The following ADGRL3 variants were observed in gnomAD, a reference collection of about 807,000 sequenced individuals.
The protein encoded by ADGRL3 is calcium-independent alpha-latrotoxin receptor 3.
A neutral mutation model predicts 153.5 loss-of-function variants in ADGRL3; 62 were observed. The ratio of observed to expected loss-of-function variants is 0.40; its 90% CI spans 0.33 to 0.50. The LOEUF (loss-of-function observed/expected upper bound fraction) is 0.50. Ranked by LOEUF, ADGRL3 falls within the 20% of genes least tolerant of loss-of-function variation. The pLI, the probability that ADGRL3 is intolerant of heterozygous loss-of-function variation, is 0.47. For synonymous variants in ADGRL3, 710 were observed against 672.5 expected (o/e 1.06, Z -0.86); for missense variants, 1,641 against 1,859.4 (o/e 0.88, Z 2.16).
chr4:61,723,583 GA>G (rs891451036), intron 6 of ADGRL3, among the ~76,000 whole-genome samples: 4 of 152,014 alleles, frequency 2.6e-5, no homozygotes, highest in Non-Finnish European at 2.9e-5. Context: ...CGTAGCCAGT[GA>G]AAAAAACTGG....
intron 1 of ADGRL3, among the ~76,000 whole-genome samples, chr4:61,355,524 A>T (rs1234870760): frequency 6.6e-6 from 1 of 152,098 alleles, no homozygotes; most frequent in Non-Finnish European, 1.5e-5. Flanking sequence ...GGGCATATCA[A>T]AATATGGAAA....
intron 8 of ADGRL3, among the ~76,000 whole-genome samples, chr4:61,747,693 T>A (rs1285222505): frequency 1.4e-5 from 2 of 146,970 alleles, no homozygotes; most frequent in Non-Finnish European, 3.0e-5. Context: ...AATTAGGTAT[T>A]GATGGGACGT....
At chr4:61,980,306 A>ATTTTTTT (rs756680977) in intron 18 of ADGRL3, among the ~76,000 whole-genome samples, 2,442 of 74,372 alleles carry the variant, frequency 0.033, 454 homozygotes, top group Non-Finnish European at 0.049. Context: ...GTAACCACTA[A>ATTTTTTT]TTTTTTTTTT....
Position 61,309,039 on chromosome 4 carries a change from C to T in ADGRL3, c.-239-74085C>T, listed in dbSNP as rs2094904931. Among the ~76,000 whole-genome samples, 16 of 152,182 alleles carry T rather than the reference C, an allele frequency of 1.1e-4. No individual in the cohort carries two copies. The South Asian group carries it at 3.1e-3, about 30-fold the overall frequency. On this transcript the variant is annotated intron_variant, in intron 1 of 26. Coordinates refer to ENST00000683033, the MANE Select transcript of ADGRL3 (RefSeq NM_001387552.1). Reference sequence around the variant, plus strand: ...GCTGCACTTGTAGACAAAAGAATTACCTTCGCATTATATGATTTTAAGGTA... The same window carrying T: ...GCTGCACTTGTAGACAAAAGAATTATCTTCGCATTATATGATTTTAAGGTA...
At chr4:61,440,450 A>G (rs1560636468) in intron 2 of ADGRL3, among the ~76,000 whole-genome samples, 3 of 152,230 alleles carry the variant, frequency 2.0e-5, no homozygotes, top group Non-Finnish European at 4.4e-5. Context: ...AGGACTTAGT[A>G]ATTGGGCAGC....
chr4:62,069,056 G>GT lies in ADGRL3; in HGVS notation c.3832+879dup, dbSNP rs567139064. Among the ~76,000 whole-genome samples the GT allele has an allele frequency of 1.4e-3, 212 of 152,092 alleles. 1 individual carries two copies. The highest frequency in any genetic ancestry group is 4.9e-3 in the African/African-American group (203 of 41,516). ...TTATTTACCAATATTGTTTAAATGT[G>GT]TTTTTTCATTTTGTGGTTGCATTTG... is the stretch of plus-strand genomic sequence containing the variant. On this transcript the variant is annotated intron_variant, in intron 26 of 26. Coordinates refer to ENST00000683033, the MANE Select transcript of ADGRL3 (RefSeq NM_001387552.1).
intron 6 of ADGRL3, among the ~76,000 whole-genome samples, chr4:61,729,395 T>C (rs2151776918): frequency 6.6e-6 from 1 of 152,054 alleles, no homozygotes; most frequent in African/African-American, 2.4e-5. Context: ...AAAAAGTCGT[T>C]GGAGAGAAAC....
intron 1 of ADGRL3, among the ~76,000 whole-genome samples, chr4:61,237,965 C>T (rs543375788): frequency 6.6e-6 from 1 of 152,290 alleles, no homozygotes; most frequent in Admixed American, 6.5e-5. Flanking sequence ...TGCTCTCTTG[C>T]ACTCCTGAGT....
chr4:61,466,060 T>C (rs1006322928), intron 2 of ADGRL3, among the ~76,000 whole-genome samples: 1 of 151,770 alleles, frequency 6.6e-6, no homozygotes, highest in African/African-American at 2.4e-5. Context: ...AGGCGGATGT[T>C]GCAGTGAGCC....
chr4:61,736,429 A>G (rs768160946), intron 8 of ADGRL3, among the ~76,000 whole-genome samples: 4 of 152,134 alleles, frequency 2.6e-5, no homozygotes, highest in Admixed American at 6.5e-5. Flanking sequence ...CAAGGCGGGC[A>G]TATCACTTGA....
At chr4:61,206,023 G>T (rs1047050728) in intron 1 of ADGRL3, among the ~76,000 whole-genome samples, 2 of 152,150 alleles carry the variant, frequency 1.3e-5, no homozygotes, top group African/African-American at 4.8e-5. Flanking sequence ...ATGTAAAAGA[G>T]AAAATAGCTG....
At chr4:61,946,062 T>A (rs1334131586) in intron 15 of ADGRL3, among the ~76,000 whole-genome samples, 1 of 152,190 alleles carries the variant, frequency 6.6e-6, no homozygotes, top group East Asian at 1.9e-4. Context: ...AGGATATATA[T>A]CCCCATATAT....
intron 5 of ADGRL3, among the ~76,000 whole-genome samples, chr4:61,612,350 G>A (rs967373111): frequency 2.0e-5 from 3 of 152,074 alleles, no homozygotes; most frequent in Non-Finnish European, 2.9e-5. Context: ...ATGATAGTCT[G>A]CTAAATGGCT....
chr4:61,266,516 C>T (rs1279618725), intron 1 of ADGRL3, among the ~76,000 whole-genome samples: 1 of 151,758 alleles, frequency 6.6e-6, no homozygotes, highest in Non-Finnish European at 1.5e-5. Context: ...TGATTTACCA[C>T]ATCCTTACTG....
At chr4:61,420,729 A>C (rs1280106707) in intron 2 of ADGRL3, 2 of 146,066 alleles carry the variant, frequency 1.4e-5, no homozygotes, top group East Asian at 4.2e-4. Flanking sequence ...ATAGGCTTAA[A>C]GTCTCATTTG....
intron 2 of ADGRL3, among the ~76,000 whole-genome samples, chr4:61,448,706 A>G (rs71609700): frequency 2.4e-4 from 5 of 20,516 alleles, no homozygotes; most frequent in East Asian, 0.025. Context: ...GAACGAAGGA[A>G]AGAAAGAAGG....
intron 1 of ADGRL3, among the ~76,000 whole-genome samples, chr4:61,261,646 G>A (rs906126723): frequency 7.9e-5 from 12 of 151,898 alleles, no homozygotes; most frequent in African/African-American, 2.9e-4. Flanking sequence ...TTCAAGAGCT[G>A]GTTTATAGGC....
intron 21 of ADGRL3, among the ~76,000 whole-genome samples, chr4:62,018,015 A>G (rs1246881140): frequency 6.6e-6 from 1 of 152,132 alleles, no homozygotes; most frequent in East Asian, 1.9e-4. Context: ...TTTAATGCTA[A>G]TAAGAGGCTG....
intron 24 of ADGRL3, among the ~76,000 whole-genome samples, chr4:62,042,368 G>T (rs1024642310): frequency 6.6e-6 from 1 of 151,754 alleles, no homozygotes; most frequent in African/African-American, 2.4e-5. Flanking sequence ...TGATTGGATT[G>T]TGTGGGTAGC....
Sources: allele counts gnomAD v4.1 joint callset (sites outside exome capture counted in the v4.1 genomes callset), GRCh38; gene constraint gnomAD v4.1.1; transcripts MANE v1.5; gene names NCBI Gene and HGNC (gene_info 2026-07-23, HGNC 2026-07-21).